RHOBTB1: variants seen among roughly 807,000 people sequenced by gnomAD.
RHOBTB1 encodes the protein Rho related BTB domain containing 1, also known as rho-related BTB domain-containing protein 1.
Under a neutral mutation model 71.6 loss-of-function variants are expected in RHOBTB1, and 40 were observed. The observed-to-expected ratio is 0.56, with a 90% confidence interval of 0.43 to 0.73. The LOEUF is 0.73. Ranked by LOEUF, RHOBTB1 falls within the 30% of genes least tolerant of loss-of-function variation. The probability of loss-of-function intolerance (pLI) is 0.00; values close to 1 mark genes in which losing one functional copy is unlikely to be tolerated. For synonymous variants in RHOBTB1, 319 were observed against 334.9 expected (o/e 0.95, Z 0.52); for missense variants, 797 against 894.0 (o/e 0.89, Z 1.38).
chr10:60,872,363 T>C (rs2080835525), intron 9 of RHOBTB1, 73 bp from the exon 10 acceptor site: 10 of 1,052,336 alleles, frequency 9.5e-6, no homozygotes, highest in Non-Finnish European at 1.2e-5. Flanking sequence ...GGGGAAGCCA[T>C]TTTAAGGGTG....
At chr10:60,980,615 T>C (rs991170863) in intron 2 of RHOBTB1, among the ~76,000 whole-genome samples, 4 of 151,758 alleles carry the variant, frequency 2.6e-5, no homozygotes, top group Admixed American at 6.6e-5. Context: ...GGATTAATTG[T>C]AAATGTTTTA....
At chr10:60,903,454 CAG>C (rs1380072216) in intron 4 of RHOBTB1, among the ~76,000 whole-genome samples, 1 of 151,774 alleles carries the variant, frequency 6.6e-6, no homozygotes, top group Non-Finnish European at 1.5e-5. Context: ...GGGTACAAAA[CAG>C]AGGTCACGTG....
intron 2 of RHOBTB1, among the ~76,000 whole-genome samples, chr10:60,953,787 A>G (rs938478293): frequency 6.6e-6 from 1 of 152,170 alleles, no homozygotes; most frequent in Non-Finnish European, 1.5e-5. Context: ...AAAAAAGCAT[A>G]TATATCCTGA....
intron 2 of RHOBTB1, among the ~76,000 whole-genome samples, chr10:60,933,961 A>C (rs948268814): frequency 6.6e-6 from 1 of 152,206 alleles, no homozygotes; most frequent in Admixed American, 6.5e-5. Flanking sequence ...ATATAGATAT[A>C]CTAAAATATT....
At chr10:60,994,912 T>G (rs2086996038) in intron 1 of RHOBTB1, among the ~76,000 whole-genome samples, 1 of 148,862 alleles carries the variant, frequency 6.7e-6, no homozygotes, top group Non-Finnish European at 1.5e-5. Flanking sequence ...TGAAGATAGA[T>G]AAGTAAAAAA....
chr10:60,996,736 G>A (rs1248908215), intron 1 of RHOBTB1, among the ~76,000 whole-genome samples: 1 of 152,132 alleles, frequency 6.6e-6, no homozygotes, highest in African/African-American at 2.4e-5. Flanking sequence ...CTCTGATCAG[G>A]AATGCCAGAT....
chr10:60,930,863 C>G, intron 2 of RHOBTB1, among the ~76,000 whole-genome samples: 1 of 152,056 alleles, frequency 6.6e-6, no homozygotes, highest in Non-Finnish European at 1.5e-5. Context: ...TATTGGCATT[C>G]CCATCCATTA....
intron 7 of RHOBTB1, among the ~76,000 whole-genome samples, chr10:60,881,051 C>G (rs2081305968): frequency 6.6e-6 from 1 of 152,072 alleles, no homozygotes. Context: ...GGGAGATATT[C>G]ATGGGGGTGG....
intron 2 of RHOBTB1, among the ~76,000 whole-genome samples, chr10:60,976,993 T>A (rs906765638): frequency 1.3e-5 from 2 of 152,054 alleles, no homozygotes; most frequent in East Asian, 1.9e-4. Flanking sequence ...ATAAATTTTT[T>A]AAAATCTTAG....
chr10:60,963,284 T>A (rs1050563459), intron 2 of RHOBTB1, among the ~76,000 whole-genome samples: 6 of 152,196 alleles, frequency 3.9e-5, no homozygotes, highest in African/African-American at 1.4e-4. Context: ...ATCAATCTTT[T>A]TCTTTGCATA....
At chr10:60,885,690 C>A (rs1431785276) in intron 7 of RHOBTB1, among the ~76,000 whole-genome samples, 1 of 152,176 alleles carries the variant, frequency 6.6e-6, no homozygotes, top group Non-Finnish European at 1.5e-5. Context: ...AAGCCCAGGA[C>A]TTAGGTGGCT....
At chr10:60,893,022 G>A (rs1435234014) in intron 4 of RHOBTB1, 27 bp from the exon 5 acceptor site, 6 of 1,577,580 alleles carry the variant, frequency 3.8e-6, no homozygotes, top group Non-Finnish European at 5.2e-6. Context: ...AAAGAAGCTT[G>A]TATTGCCTTT....
At chr10:60,908,838 A>G (rs1341011871) in intron 4 of RHOBTB1, among the ~76,000 whole-genome samples, 1 of 152,220 alleles carries the variant, frequency 6.6e-6, no homozygotes, top group African/African-American at 2.4e-5. Flanking sequence ...CAGAGGAAAT[A>G]CAAGGTACAA....
intron 2 of RHOBTB1, among the ~76,000 whole-genome samples, chr10:60,957,891 C>T (rs1441501840): frequency 6.6e-6 from 1 of 152,110 alleles, no homozygotes; most frequent in East Asian, 1.9e-4. Context: ...ATACCACATC[C>T]CTAGAAAGGG....
rs371432442 is a variant in RHOBTB1 at position 60,879,929 on chromosome 10, G to A, written c.1576-1871C>T. Among the ~76,000 whole-genome samples the A allele has an allele frequency of 3.9e-5, 6 of 152,096 alleles. No individual in the cohort carries two copies. In the East Asian group the frequency reaches 5.8e-4, roughly 15 times the overall value. On this transcript the variant is annotated intron_variant, in intron 7 of 10. Transcript: ENST00000337910. ...GAAAAATAAAGGCATGACTGCTTCC[G>A]TTCTGAACATGTACAGACTTTTTTC...
intron 2 of RHOBTB1, among the ~76,000 whole-genome samples, chr10:60,917,797 C>A (rs909053218): frequency 4.6e-5 from 7 of 152,148 alleles, no homozygotes; most frequent in Non-Finnish European, 7.4e-5. Flanking sequence ...TCCTTCTTAC[C>A]AACCCTCCTC....
At chr10:60,958,418 TAAA>T (rs2085666458) in intron 2 of RHOBTB1, among the ~76,000 whole-genome samples, 1 of 152,168 alleles carries the variant, frequency 6.6e-6, no homozygotes, top group African/African-American at 2.4e-5. Flanking sequence ...TCAGAGAAGT[TAAA>T]ATTTTACTTT....
rs76649613 is a variant in RHOBTB1 at position 60,920,002 on chromosome 10, C to T, written c.-10-8450G>A. On this transcript the variant is annotated intron_variant, in intron 2 of 10. Coordinates refer to ENST00000337910, the MANE Select transcript of RHOBTB1 (RefSeq NM_014836.5). ...ATTCCAGGGCAGATTTCAAAACCACCATAAGTGAACTGTGTGCTGGGTTCA... is the reference window on the plus strand; with the variant it reads ...ATTCCAGGGCAGATTTCAAAACCACTATAAGTGAACTGTGTGCTGGGTTCA... 9.1e-3 allele frequency among the ~76,000 whole-genome samples: 1,381 copies of T among 152,222 alleles called. 22 individuals carry two copies. Among genetic ancestry groups the T allele is most frequent in the African/African-American group, 0.032 (1,319 of 41,524 alleles).
chr10:60,955,397 C>T (rs1032459543), intron 2 of RHOBTB1, among the ~76,000 whole-genome samples: 1 of 152,152 alleles, frequency 6.6e-6, no homozygotes, highest in African/African-American at 2.4e-5. Flanking sequence ...CATGTGTTAA[C>T]TGAACACACT....
Sources: allele counts gnomAD v4.1 joint callset (sites outside exome capture counted in the v4.1 genomes callset), GRCh38; gene constraint gnomAD v4.1.1; transcripts MANE v1.5; gene names NCBI Gene and HGNC (gene_info 2026-07-23, HGNC 2026-07-21).